The following CGB1 variants were observed in gnomAD, a reference collection of about 807,000 sequenced individuals.
CGB1 encodes the protein chorionic gonadotropin subunit beta 1, also known as choriogonadotropin subunit beta variant 1.
Under a neutral mutation model 7.0 loss-of-function variants are expected in CGB1, and 4 were observed. The ratio of observed to expected loss-of-function variants is 0.57; its 90% CI spans 0.28 to 1.31. CGB1 has a LOEUF of 1.31. Among genes scored for constraint, CGB1 ranks in the 50% most tolerant of loss-of-function variants. The pLI is 0.10. For synonymous variants in CGB1, 72 were observed against 96.4 expected (o/e 0.75, Z 1.48); for missense variants, 139 against 219.1 (o/e 0.63, Z 2.31).
At position 49,036,844 on chromosome 19, in the gene CGB1, C is replaced by T. The variant is rs373044257; in HGVS notation, c.-133G>A. The T allele has an allele frequency of 3.7e-5, 48 of 1,313,502 alleles. No individual in the cohort carries two copies. The highest frequency in any genetic ancestry group is 3.6e-4 in the African/African-American group (25 of 68,866). The allele number at this position is 1,313,502 out of a possible 1,614,324, so 81.4% of individuals were successfully genotyped here. A position where few individuals can be genotyped will look rare whatever the true frequency, so the allele number is the denominator to read the frequency against. On this transcript the variant is annotated 5_prime_UTR_variant, in exon 1 of 3. Coordinates refer to ENST00000301407, the MANE Select transcript of CGB1 (RefSeq NM_033377.2). ...GGCACGGGAACCTGGCCAGAGTCAG[C>T]GGACCCAATTGGCTGCTCTCTCTCA...
In CGB1 at chr19:49,036,862, C is replaced by G; in HGVS notation, c.-151G>C. ...GAGTCAGCGGACCCAATTGGCTGCTCTCTCTCAGATGCAGTTCCCCTTCCT... is the reference window on the plus strand; with the variant it reads ...GAGTCAGCGGACCCAATTGGCTGCTGTCTCTCAGATGCAGTTCCCCTTCCT... On this transcript the variant is annotated 5_prime_UTR_variant, in exon 1 of 3. Transcript: ENST00000301407. 1.8e-6 allele frequency: 2 copies of G among 1,112,448 alleles called. No individual in the cohort carries two copies. The highest frequency in any genetic ancestry group is 2.7e-6 in the Non-Finnish European group (2 of 744,950). 68.9% of individuals were successfully genotyped at this position (1,112,448 alleles called of 1,614,324 possible). A position where few individuals can be genotyped will look rare whatever the true frequency, so the allele number is the denominator to read the frequency against.
In CGB1 at chr19:49,035,897, G is replaced by C. The variant is rs1240464080; in HGVS notation, c.181C>G (p.Arg61Gly). The change falls in exon 3 of 3, where the codon CGC (arginine) becomes GGC (glycine). Residue 61 changes from arginine to glycine, a missense_variant. By Grantham distance (125) the Arg-to-Gly change is moderately radical (BLOSUM62 -2). Around this residue, in one of 4 missense-constraint regions of CGB1, gnomAD observed 60 missense variants for 105.8 expected, o/e 0.57. Transcript: ENST00000301407. ...ICAGYCPTMT[R>G]VLQGVLPALP... is the part of the protein sequence containing the mutation. ...GCCGGCAGGACCCCCTGCAGCACGC[G>C]GGTCTGGAAGCCGTGTGAGTGGGGG... is the stretch of plus-strand genomic sequence containing the variant. The C allele has an allele frequency of 6.7e-6, 9 of 1,342,144 alleles. No homozygotes were observed. Among genetic ancestry groups the C allele is most frequent in the Non-Finnish European group, 8.1e-6 (8 of 990,912 alleles). 83.1% of individuals were successfully genotyped at this position (1,342,144 alleles called of 1,614,324 possible).
chr19:49,036,565 C>A, intron 1 of CGB1, 138 bp downstream of exon 1: 1 of 1,612,562 alleles, frequency 6.2e-7, no homozygotes, highest in Admixed American at 1.7e-5. Context: ...AGAAAGAGGC[C>A]TCCTTCCACA....
At position 49,035,572 on chromosome 19, in the gene CGB1, G is replaced by C. The variant is rs747965736; in HGVS notation, c.*38C>G. On this transcript the variant is annotated 3_prime_UTR_variant, in exon 3 of 3. Coordinates refer to ENST00000301407, the MANE Select transcript of CGB1 (RefSeq NM_033377.2). ...CCACAGAAAGACACCTCCAGAGTGCGGATTGAGAAGCCTTTATTGTGGGAG... is the reference window on the plus strand; with the variant it reads ...CCACAGAAAGACACCTCCAGAGTGCCGATTGAGAAGCCTTTATTGTGGGAG... 2.5e-6 allele frequency: 4 copies of C among 1,612,044 alleles called. No homozygotes were observed. In the South Asian group the frequency reaches 4.4e-5, roughly 18 times the overall value.
Position 49,035,594 on chromosome 19 carries a change from G to T in CGB1, c.*16C>A, listed in dbSNP as rs1295883640. The T allele has an allele frequency of 3.7e-6, 6 of 1,611,844 alleles. No homozygotes were observed. In the African/African-American group the frequency reaches 8.0e-5, roughly 22 times the overall value. On this transcript the variant is annotated 3_prime_UTR_variant, in exon 3 of 3. Transcript: ENST00000301407. ...TGCGGATTGAGAAGCCTTTATTGTGGGAGGATCGGGGTGTCCTAGGGCCCC... is the reference window on the plus strand; with the variant it reads ...TGCGGATTGAGAAGCCTTTATTGTGTGAGGATCGGGGTGTCCTAGGGCCCC...
intron 1 of CGB1, 93 bp from the exon 2 acceptor site, chr19:49,036,396 A>G: frequency 1.2e-6 from 2 of 1,601,160 alleles, no homozygotes; most frequent in Non-Finnish European, 1.7e-6. Flanking sequence ...ACAAAGACCC[A>G]GAGACCCTTC....
In CGB1 at chr19:49,036,890, C is replaced by T. The variant is rs569421954; in HGVS notation, c.-179G>A. 2.4e-6 allele frequency: 2 copies of T among 836,094 alleles called. No individual in the cohort carries two copies. Among genetic ancestry groups the T allele is most frequent in the East Asian group, 5.6e-5 (2 of 35,882 alleles). 51.8% of individuals were successfully genotyped at this position (836,094 alleles called of 1,614,324 possible). A position where few individuals can be genotyped will look rare whatever the true frequency, so the allele number is the denominator to read the frequency against. The stretch of plus-strand genomic sequence containing the variant: ...TCTCAGATGCAGTTCCCCTTCCTCC[C>T]TCCAGGGGGCGCCACGGAACGCAGG... On this transcript the variant is annotated 5_prime_UTR_variant, in exon 1 of 3. Transcript: ENST00000301407.
In CGB1 at chr19:49,035,724, G is replaced by T. The variant is rs200177766; in HGVS notation, c.354C>A (p.Cys118Ter). Reference sequence around the variant, plus strand: ...TCAAGGGGTGGTCCTTGGGACCCCCGCAGTCAGTGGTGCTGCGGCGGCAGA... The same window carrying T: ...TCAAGGGGTGGTCCTTGGGACCCCCTCAGTCAGTGGTGCTGCGGCGGCAGA... Reference protein sequence around the residue: ...CALCRRSTTDCGGPKDHPLTC... With the variant: ...CALCRRSTTD Residue 118 changes from cysteine to a stop codon, truncating the protein, a stop_gained, in exon 3 of 3, where the codon TGC becomes TGA. Coordinates refer to ENST00000301407, the MANE Select transcript of CGB1 (RefSeq NM_033377.2). LOFTEE classifies it low-confidence loss of function (END_TRUNC). 8.7e-6 allele frequency: 14 copies of T among 1,608,388 alleles called. No homozygotes were observed. The highest frequency in any genetic ancestry group is 4.5e-4 in the Middle Eastern group (2 of 4,450).
In CGB1 at chr19:49,036,273, C is replaced by G. The variant is rs147731004; in HGVS notation, c.40G>C (p.Gly14Arg). The change falls in exon 2 of 3, where the codon GGC becomes CGC. Residue 14 changes from glycine (G) to arginine (R), a missense_variant. By Grantham distance (125) the Gly-to-Arg change is moderately radical. Coordinates refer to ENST00000301407, the MANE Select transcript of CGB1 (RefSeq NM_033377.2). ...RLLLLLLLSM[G>R]GTWASKEPLR... ...GGCTCCTTGGATGCCCATGTCCCGC[C>G]CATGCTCAGCAGCAGCAACAGCAGC... 4 of 1,607,150 alleles carry G rather than the reference C, an allele frequency of 2.5e-6. No homozygotes were observed. In the African/African-American group the frequency reaches 4.0e-5, roughly 16 times the overall value.
In CGB1 at chr19:49,036,837, G is replaced by A. The variant is rs1345735543; in HGVS notation, c.-126C>T. On this transcript the variant is annotated 5_prime_UTR_variant, in exon 1 of 3. Coordinates refer to ENST00000301407, the MANE Select transcript of CGB1 (RefSeq NM_033377.2). ...TGGACGCGGCACGGGAACCTGGCCAGAGTCAGCGGACCCAATTGGCTGCTC... is the reference window on the plus strand; with the variant it reads ...TGGACGCGGCACGGGAACCTGGCCAAAGTCAGCGGACCCAATTGGCTGCTC... 7 of 1,359,336 alleles carry A rather than the reference G, an allele frequency of 5.1e-6. No homozygotes were observed. The African/African-American group carries it at 8.6e-5, about 17-fold the overall frequency. 84.2% of individuals were successfully genotyped at this position (1,359,336 alleles called of 1,614,324 possible). A position where few individuals can be genotyped will look rare whatever the true frequency, so the allele number is the denominator to read the frequency against.
chr19:49,035,603 G>A lies in CGB1; in HGVS notation c.*7C>T, dbSNP rs755082872. The A allele has an allele frequency of 6.2e-7, 1 of 1,611,872 alleles. No individual in the cohort carries two copies. The highest frequency in any genetic ancestry group is 8.5e-7 in the Non-Finnish European group (1 of 1,179,912). On this transcript the variant is annotated 3_prime_UTR_variant, in exon 3 of 3. Coordinates refer to ENST00000301407, the MANE Select transcript of CGB1 (RefSeq NM_033377.2). ...AGAAGCCTTTATTGTGGGAGGATCG[G>A]GGTGTCCTAGGGCCCCGGGAGACGG...
chr19:49,036,820 G>C lies in CGB1; in HGVS notation c.-109C>G, dbSNP rs2039826622. 1 of 1,538,216 alleles carries C rather than the reference G, an allele frequency of 6.5e-7. No individual in the cohort carries two copies. The highest frequency in any genetic ancestry group is 1.4e-5 in the African/African-American group (1 of 73,422). ...CAGGGAGTGAGGGGTGTTGGACGCG[G>C]CACGGGAACCTGGCCAGAGTCAGCG... is the stretch of plus-strand genomic sequence containing the variant. On this transcript the variant is annotated 5_prime_UTR_variant, in exon 1 of 3. Transcript: ENST00000301407.
At chr19:49,036,482 G>A (rs539116646) in intron 1 of CGB1, 179 bp from the exon 2 acceptor site, 3 of 1,557,278 alleles carry the variant, frequency 1.9e-6, no homozygotes, top group Non-Finnish European at 2.6e-6. Context: ...GAGGACCTGA[G>A]ATACCCCAAC....
In CGB1 at chr19:49,036,425, G is replaced by C. The variant is rs1438554961; in HGVS notation, c.10-122C>G. The C allele has an allele frequency of 3.2e-6, 5 of 1,586,698 alleles. No individual in the cohort carries two copies. The East Asian group carries it at 1.1e-4, about 36-fold the overall frequency. ...ACCCTTCCCGGCATCTTCTATTCAGGACCCACCACCCGGACACCTGCCTTT... is the reference window on the plus strand; with the variant it reads ...ACCCTTCCCGGCATCTTCTATTCAGCACCCACCACCCGGACACCTGCCTTT... On this transcript the variant is annotated intron_variant, in intron 1 of 2. Coordinates refer to ENST00000301407, the MANE Select transcript of CGB1 (RefSeq NM_033377.2).
rs775626611 is a variant in CGB1 at position 49,036,282 on chromosome 19, G to A, written c.31C>T (p.Leu11=). 1.9e-6 allele frequency: 3 copies of A among 1,606,816 alleles called. No homozygotes were observed. Among genetic ancestry groups the A allele is most frequent in the Non-Finnish European group, 2.5e-6 (3 of 1,179,710 alleles). Residue 11 remains leucine (L), a synonymous_variant, in exon 2 of 3, where the codon CTG becomes TTG. Coordinates refer to ENST00000301407, the MANE Select transcript of CGB1 (RefSeq NM_033377.2). MSKRLLLLLL[L]SMGGTWASKE... ...GATGCCCATGTCCCGCCCATGCTCA[G>A]CAGCAGCAACAGCAGCAGCCTCTGG...
At chr19:49,036,425 G>T in intron 1 of CGB1, 122 bp from the exon 2 acceptor site, 1 of 1,586,816 alleles carries the variant, frequency 6.3e-7, no homozygotes, top group Non-Finnish European at 8.5e-7. Flanking sequence ...TTCTATTCAG[G>T]ACCCACCACC....
intron 1 of CGB1, 66 bp downstream of exon 1, chr19:49,036,636 CA>C: frequency 6.2e-7 from 1 of 1,613,980 alleles, no homozygotes; most frequent in Non-Finnish European, 8.5e-7. Context: ...GGAAGGTGCC[CA>C]GGGGCCCTGC....
Position 49,036,696 on chromosome 19 carries a change from A to G in CGB1, c.9+7T>C, listed in dbSNP as rs751081848. On this transcript the variant is annotated splice_region_variant and intron_variant, in intron 1 of 2. Coordinates refer to ENST00000301407, the MANE Select transcript of CGB1 (RefSeq NM_033377.2). ...CTTTGGTGCCCGGAAATGTGGATCTACCCTACCTTTGACATGTCTCTCTCT... is the reference window on the plus strand; with the variant it reads ...CTTTGGTGCCCGGAAATGTGGATCTGCCCTACCTTTGACATGTCTCTCTCT... 13 of 1,613,854 alleles carry G rather than the reference A, an allele frequency of 8.1e-6. No homozygotes were observed. The Admixed American group carries it at 2.2e-4, about 27-fold the overall frequency.
Position 49,035,628 on chromosome 19 carries a change from G to C in CGB1, c.450C>G (p.Ser150=). Residue 150 remains serine (S), a synonymous_variant, in exon 3 of 3, where the codon TCC becomes TCG. Transcript: ENST00000301407. ...KAPPPSLPSP[S]RLPGP ...GGGTGTCCTAGGGCCCCGGGAGACG[G>C]GATGGACTTGGAAGGCTGGGGGGAG... The C allele has an allele frequency of 6.2e-7, 1 of 1,611,452 alleles. No individual in the cohort carries two copies. Among genetic ancestry groups the C allele is most frequent in the African/African-American group, 1.3e-5 (1 of 74,358 alleles).
Sources: gnomAD v4.1 joint callset for allele counts on GRCh38, gnomAD v4.1.1 for gene constraint, gnomAD v4.1.1 regional missense constraint, MANE v1.5 for transcripts, NCBI Gene and HGNC (gene_info 2026-07-23, HGNC 2026-07-21) for gene names.